CPED1: variants seen among roughly 807,000 people sequenced by gnomAD.
The protein encoded by CPED1 is cadherin like and PC-esterase domain containing 1, also known as cadherin-like and PC-esterase domain-containing protein 1.
In CPED1, 114 loss-of-function variants were observed where a neutral mutation model predicts 128.2. The ratio of observed to expected loss-of-function variants is 0.89; its 90% CI spans 0.76 to 1.04. The LOEUF is 1.04. Ranked by LOEUF, CPED1 falls within the 50% of genes least tolerant of loss-of-function variation. The probability of loss-of-function intolerance (pLI) is 0.00; values close to 1 mark genes in which losing one functional copy is unlikely to be tolerated. For missense variants in CPED1, 1,211 were observed against 1,207.1 expected, an observed-to-expected ratio of 1.00 and a Z score of -0.05; for synonymous variants, 462 against 426.7, an observed-to-expected ratio of 1.08 and a Z score of -1.02.
At chr7:121,009,576 T>A (rs1203974576) in intron 2 of CPED1, among the ~76,000 whole-genome samples, 1 of 136,338 alleles carries the variant, frequency 7.3e-6, no homozygotes, top group Admixed American at 8.3e-5. Context: ...CACTGCTCTC[T>A]AGCCTGGGTG....
At chr7:121,237,929 T>C (rs957631797) in intron 17 of CPED1, among the ~76,000 whole-genome samples, 1 of 152,176 alleles carries the variant, frequency 6.6e-6, no homozygotes, top group Non-Finnish European at 1.5e-5. Flanking sequence ...TGTCAGGTGG[T>C]GTGATTTGTG....
At chr7:121,049,873 T>G (rs1793304112) in intron 4 of CPED1, among the ~76,000 whole-genome samples, 1 of 152,220 alleles carries the variant, frequency 6.6e-6, no homozygotes, top group Non-Finnish European at 1.5e-5. Flanking sequence ...TTTTGTCACA[T>G]CTGGGGGGAT....
intron 5 of CPED1, among the ~76,000 whole-genome samples, chr7:121,068,327 A>C (rs7791354): frequency 0.89 from 136,011 of 152,092 alleles, 61,032 homozygotes; most frequent in Middle Eastern, 0.98. Flanking sequence ...TCAGCTTTCT[A>C]CATATGGCTA....
chr7:121,161,541 A>C (rs1764700957), intron 16 of CPED1, among the ~76,000 whole-genome samples: 1 of 152,214 alleles, frequency 6.6e-6, no homozygotes, highest in African/African-American at 2.4e-5. Flanking sequence ...GAATTTAATT[A>C]CATGTGCAAA....
chr7:121,170,832 C>T (rs1796636071), intron 16 of CPED1, among the ~76,000 whole-genome samples: 1 of 152,068 alleles, frequency 6.6e-6, no homozygotes, highest in Non-Finnish European at 1.5e-5. Flanking sequence ...GGGTGGATCA[C>T]CTGAGGTCGG....
Position 121,267,284 on chromosome 7 carries a change from AG to A in CPED1, c.2704del (p.Val902TyrfsTer4). The A allele has an allele frequency of 6.3e-7, 1 of 1,588,698 alleles. No individual in the cohort carries two copies. Among genetic ancestry groups the A allele is most frequent in the Non-Finnish European group, 8.6e-7 (1 of 1,162,316 alleles). ...GIGFHLPVDGVHFLTQSEVQN... is the reference protein window; with the variant it reads ...GIGFHLPVDGXHFLTQSEVQN... ...TTGGATTTCATCTGCCAGTGGATGG[AG>A]TACATTTCTTAACACAGGTAAGCAC... On this transcript the variant is annotated frameshift_variant, in exon 21 of 23. Coordinates refer to ENST00000310396, the MANE Select transcript of CPED1 (RefSeq NM_024913.5). LOFTEE classifies it high-confidence loss of function.
At chr7:121,047,093 T>A in intron 4 of CPED1, 100 bp downstream of exon 4, 1 of 687,416 alleles carries the variant, frequency 1.5e-6, no homozygotes, top group Non-Finnish European at 2.4e-6. Context: ...AGAATTAGAG[T>A]CATTGTATCT....
At chr7:121,171,690 A>T (rs1326507761) in intron 16 of CPED1, among the ~76,000 whole-genome samples, 1 of 152,140 alleles carries the variant, frequency 6.6e-6, no homozygotes, top group Non-Finnish European at 1.5e-5. Context: ...AAAAACCCTG[A>T]ATATTTTCTT....
chr7:121,074,038 C>T (rs1218533545), intron 5 of CPED1, among the ~76,000 whole-genome samples: 1 of 152,052 alleles, frequency 6.6e-6, no homozygotes, highest in African/African-American at 2.4e-5. Context: ...AGCTCTCTTC[C>T]ATAGCTCTGA....
At chr7:121,028,166 C>T (rs1300243211) in intron 3 of CPED1, among the ~76,000 whole-genome samples, 1 of 152,104 alleles carries the variant, frequency 6.6e-6, no homozygotes, top group African/African-American at 2.4e-5. Flanking sequence ...CTGGGCCCTA[C>T]TCACAGTAGA....
intron 4 of CPED1, among the ~76,000 whole-genome samples, chr7:121,048,486 A>T (rs1793270776): frequency 1.3e-5 from 2 of 151,584 alleles, no homozygotes; most frequent in South Asian, 4.2e-4. Flanking sequence ...CCTTCTATTA[A>T]TTGCCAATAC....
chr7:121,114,465 G>A (rs1175931438), intron 7 of CPED1, among the ~76,000 whole-genome samples: 1 of 152,184 alleles, frequency 6.6e-6, no homozygotes, highest in South Asian at 2.1e-4. Context: ...AGACAGACTT[G>A]CTTCTGTAAA....
chr7:121,165,896 G>A (rs1045694931), intron 16 of CPED1, among the ~76,000 whole-genome samples: 1 of 152,148 alleles, frequency 6.6e-6, no homozygotes, highest in Admixed American at 6.5e-5. Flanking sequence ...GGTCTCTTCA[G>A]CATCAAGCTA....
chr7:121,186,372 C>A (rs1056954537), intron 16 of CPED1, among the ~76,000 whole-genome samples: 11 of 152,114 alleles, frequency 7.2e-5, no homozygotes, highest in African/African-American at 2.7e-4. Flanking sequence ...GTGTGTGGGA[C>A]ACTAGCACTT....
At chr7:121,239,043 T>A (rs914560799) in intron 17 of CPED1, among the ~76,000 whole-genome samples, 1 of 152,048 alleles carries the variant, frequency 6.6e-6, no homozygotes, top group Non-Finnish European at 1.5e-5. Flanking sequence ...ACAAGTGAGG[T>A]CAGGATAGCA....
intron 4 of CPED1, among the ~76,000 whole-genome samples, chr7:121,056,711 G>A (rs1793508269): frequency 6.6e-6 from 1 of 151,688 alleles, no homozygotes; most frequent in African/African-American, 2.4e-5. Flanking sequence ...TTACTTTCTG[G>A]AACTTCTATT....
intron 4 of CPED1, chr7:121,051,077 C>T (rs1793340238): frequency 1.9e-6 from 1 of 528,104 alleles, no homozygotes; most frequent in African/African-American, 1.9e-5. Flanking sequence ...AAAAGGAGAG[C>T]AAAGGGAAAA....
At chr7:121,007,807 T>C (rs1173851139) in intron 2 of CPED1, among the ~76,000 whole-genome samples, 2 of 151,906 alleles carry the variant, frequency 1.3e-5, no homozygotes, top group East Asian at 3.9e-4. Context: ...CTGCTTCTCT[T>C]TGCTCTTTCT....
intron 16 of CPED1, among the ~76,000 whole-genome samples, chr7:121,234,102 G>C (rs1046993687): frequency 6.6e-6 from 1 of 152,094 alleles, no homozygotes; most frequent in Non-Finnish European, 1.5e-5. Flanking sequence ...TTAGCTATGA[G>C]AGACTGGGAA....
Sources: allele counts gnomAD v4.1 joint callset (sites outside exome capture counted in the v4.1 genomes callset), GRCh38; gene constraint gnomAD v4.1.1; transcripts MANE v1.5; gene names NCBI Gene and HGNC (gene_info 2026-07-23, HGNC 2026-07-21).